The following PHKG2 variants were observed in gnomAD, a reference collection of about 807,000 sequenced individuals.
PHKG2 encodes phosphorylase kinase catalytic subunit gamma 2, also known as phosphorylase b kinase gamma catalytic chain, liver/testis isoform.
Under a neutral mutation model 44.5 loss-of-function variants are expected in PHKG2, and 28 were observed. That is an observed-to-expected ratio of 0.63 (90% confidence interval 0.47 to 0.86). The LOEUF is 0.86. Ranked by LOEUF, PHKG2 falls within the 40% of genes least tolerant of loss-of-function variation. PHKG2 has a pLI of 0.00. For synonymous variants in PHKG2, 220 were observed against 211.2 expected (o/e 1.04, Z -0.36); for missense variants, 498 against 547.5 (o/e 0.91, Z 0.90).
rs753883532 is a variant in PHKG2 at position 30,757,469 on chromosome 16, T to C, written c.*372T>C. Reference sequence around the variant, plus strand: ...GCCCAGACCTTTATTGGGGAAAATGTTGGGGGTCACTTGGTCTTGCTCTTG... The same window carrying C: ...GCCCAGACCTTTATTGGGGAAAATGCTGGGGGTCACTTGGTCTTGCTCTTG... On this transcript the variant is annotated 3_prime_UTR_variant, in exon 10 of 10. Coordinates refer to ENST00000563588, the MANE Select transcript of PHKG2 (RefSeq NM_000294.3). 1.2e-6 allele frequency: 2 copies of C among 1,611,048 alleles called. No individual in the cohort carries two copies. Among genetic ancestry groups the C allele is most frequent in the Non-Finnish European group, 1.7e-6 (2 of 1,177,960 alleles).
At position 30,751,247 on chromosome 16, in the gene PHKG2, C is replaced by T; in HGVS notation, c.237C>T (p.His79=). The change falls in exon 3 of 10, where the codon CAC becomes CAT. Residue 79 remains histidine (H), a synonymous_variant. Transcript: ENST00000563588. ...EVREATRRET[H]ILRQVAGHPH... Reference sequence around the variant, plus strand: ...GGGAAGCCACACGGCGAGAGACACACATCCTTCGCCAGGTCGCCGGCCACC... The same window carrying T: ...GGGAAGCCACACGGCGAGAGACACATATCCTTCGCCAGGTCGCCGGCCACC... The T allele has an allele frequency of 1.2e-6, 2 of 1,612,266 alleles. No homozygotes were observed. Among genetic ancestry groups the T allele is most frequent in the Non-Finnish European group, 1.7e-6 (2 of 1,180,022 alleles).
Position 30,759,960 on chromosome 16 carries a change from G to A in PHKG2, c.*2863G>A, listed in dbSNP as rs1056769194. 57 of 1,447,958 alleles carry A rather than the reference G, an allele frequency of 3.9e-5. No individual in the cohort carries two copies. The highest frequency in any genetic ancestry group is 8.1e-5 in the Admixed American group (3 of 37,116). 89.7% of individuals were successfully genotyped at this position (1,447,958 alleles called of 1,614,324 possible). A position where few individuals can be genotyped will look rare whatever the true frequency, so the allele number is the denominator to read the frequency against. Reference sequence around the variant, plus strand: ...GCCCTTACGAAGCTTATATTCTAGGGGAATAAACCAAGAAATAGATCATTT... The same window carrying A: ...GCCCTTACGAAGCTTATATTCTAGGAGAATAAACCAAGAAATAGATCATTT... On this transcript the variant is annotated 3_prime_UTR_variant, in exon 10 of 10. Transcript: ENST00000563588.
rs749449323 is a variant in PHKG2, at chr16:30,757,492, T to A, written c.*395T>A. The A allele has an allele frequency of 6.2e-7, 1 of 1,613,992 alleles. No homozygotes were observed. The highest frequency in any genetic ancestry group is 1.1e-5 in the South Asian group (1 of 91,048). On this transcript the variant is annotated 3_prime_UTR_variant, in exon 10 of 10. Coordinates refer to ENST00000563588, the MANE Select transcript of PHKG2 (RefSeq NM_000294.3). ...TGTTGGGGGTCACTTGGTCTTGCTC[T>A]TGCCTTTACCCGGAGGTAGCTGGAA...
chr16:30,748,950 A>G, intron 2 of PHKG2, 35 bp downstream of exon 2: 1 of 1,467,824 alleles, frequency 6.8e-7, no homozygotes, highest in African/African-American at 1.4e-5. Flanking sequence ...AGGTCCAAAG[A>G]GGTCGAGCCC....
At position 30,757,513 on chromosome 16, in the gene PHKG2, T is replaced by C. The variant is rs2053457360; in HGVS notation, c.*416T>C. 1.9e-6 allele frequency: 3 copies of C among 1,614,166 alleles called. No individual in the cohort carries two copies. In the East Asian group the frequency reaches 6.7e-5, roughly 36 times the overall value. On this transcript the variant is annotated 3_prime_UTR_variant, in exon 10 of 10. Coordinates refer to ENST00000563588, the MANE Select transcript of PHKG2 (RefSeq NM_000294.3). ...GCTCTTGCCTTTACCCGGAGGTAGC[T>C]GGAAGGGCCGCTCTAGTGCAGTCAA...
chr16:30,757,031 G>T lies in PHKG2; in HGVS notation c.1155G>T (p.Met385Ile). ...GGCCCCCTGGGCCTTTTCCCATCAT[G>T]GGCCCTGAAGAGGAGGGAGACTCTG... ...QHRPPGPFPI[M>I]GPEEEGDSAA... Residue 385 changes from methionine (M) to isoleucine (I), a missense_variant, in exon 10 of 10, where the codon ATG (methionine) becomes ATT (isoleucine). Coordinates refer to ENST00000563588, the MANE Select transcript of PHKG2 (RefSeq NM_000294.3). 6.2e-7 allele frequency: 1 copy of T among 1,612,646 alleles called. No individual in the cohort carries two copies.
chr16:30,759,829 T>C lies in PHKG2; in HGVS notation c.*2732T>C, dbSNP rs567997789. ...CATGAGCTTCAGAAGCAGACAGATC[T>C]GGGTTTCAGCACTGGCTTGTTTCCT... On this transcript the variant is annotated 3_prime_UTR_variant, in exon 10 of 10. Coordinates refer to ENST00000563588, the MANE Select transcript of PHKG2 (RefSeq NM_000294.3). The C allele has an allele frequency of 2.1e-5, 32 of 1,495,486 alleles. No homozygotes were observed. The highest frequency in any genetic ancestry group is 3.6e-4 in the Middle Eastern group (2 of 5,606). 92.6% of individuals were successfully genotyped at this position (1,495,486 alleles called of 1,614,324 possible). A position where few individuals can be genotyped will look rare whatever the true frequency, so the allele number is the denominator to read the frequency against.
At position 30,756,606 on chromosome 16, in the gene PHKG2, A is replaced by G. The variant is rs1000764019; in HGVS notation, c.818A>G (p.Gln273Arg). The G allele has an allele frequency of 1.9e-6, 3 of 1,613,942 alleles. No individual in the cohort carries two copies. Among genetic ancestry groups the G allele is most frequent in the Non-Finnish European group, 8.5e-7 (1 of 1,180,006 alleles). Residue 273 changes from glutamine to arginine, a missense_variant, in exon 9 of 10, where the codon CAG becomes CGG. Gln to Arg is a conservative substitution (Grantham distance 43). Transcript: ENST00000563588. ...TVKDLISRLL[Q>R]VDPEARLTAE... ...CTCTCCTAGATCTCCAGGCTGCTGCAGGTGGATCCTGAGGCACGCCTGACA... is the reference window on the plus strand; with the variant it reads ...CTCTCCTAGATCTCCAGGCTGCTGCGGGTGGATCCTGAGGCACGCCTGACA...
Position 30,760,803 on chromosome 16 carries a change from C to CA in PHKG2, c.*3709dup, listed in dbSNP as rs1233142837. 15 of 767,272 alleles carry CA rather than the reference C, an allele frequency of 2.0e-5. No homozygotes were observed. The highest frequency in any genetic ancestry group is 4.1e-5 in the Admixed American group (2 of 48,838). The allele number at this position is 767,272 out of a possible 1,614,324, so 47.5% of individuals were successfully genotyped here. A position where few individuals can be genotyped will look rare whatever the true frequency, so the allele number is the denominator to read the frequency against. ...TTTGCCAGCTTGCTGTGTGACTATG[C>CA]AAATCGTTAACTCTCTGGGCCTAAA... is the stretch of plus-strand genomic sequence containing the variant. On this transcript the variant is annotated 3_prime_UTR_variant, in exon 10 of 10. Transcript: ENST00000563588.
At chr16:30,751,888 TC>T (rs1414118471) in intron 4 of PHKG2, 16 of 412,014 alleles carry the variant, frequency 3.9e-5, no homozygotes, top group Non-Finnish European at 6.9e-5. Flanking sequence ...GGTCAGGAGA[TC>T]GAGACCATCC....
At position 30,748,795 on chromosome 16, in the gene PHKG2, C is replaced by A; in HGVS notation, c.-18-8C>A. The A allele has an allele frequency of 6.5e-7, 1 of 1,535,414 alleles. No individual in the cohort carries two copies. On this transcript the variant is annotated splice_polypyrimidine_tract_variant and splice_region_variant and intron_variant, in intron 1 of 9. Transcript: ENST00000563588. ...TCCCTGCCCTCACTGCCCTCCTCCT[C>A]CGCGCAGGCCCCCGCCTCCTTCAGG... is the stretch of plus-strand genomic sequence containing the variant.
In PHKG2 at chr16:30,760,621, T is replaced by C. The variant is rs771388927; in HGVS notation, c.*3524T>C. ...CAGTCCCTACTCCCTCATCTCAGCA[T>C]TGGTGGTCTTCTCCAGCTGGTGCAT... On this transcript the variant is annotated 3_prime_UTR_variant, in exon 10 of 10. Transcript: ENST00000563588. 7.7e-6 allele frequency: 12 copies of C among 1,557,324 alleles called. No individual in the cohort carries two copies. The highest frequency in any genetic ancestry group is 1.4e-5 in the African/African-American group (1 of 73,280).
Position 30,751,217 on chromosome 16 carries a change from G to C in PHKG2, c.207G>C (p.Glu69Asp). The change falls in exon 3 of 10, where the codon GAG (glutamate) becomes GAC (aspartate). Residue 69 changes from glutamate (E) to aspartate (D), a missense_variant. By Grantham distance (45) the Glu-to-Asp change is conservative. Transcript: ENST00000563588. The stretch of plus-strand genomic sequence containing the variant: ...GGCTGAGTCCTGAGCAGCTGGAGGA[G>C]GTGCGGGAAGCCACACGGCGAGAGA... ...AERLSPEQLE[E>D]VREATRRETH... The C allele has an allele frequency of 6.2e-7, 1 of 1,613,552 alleles. No individual in the cohort carries two copies. The highest frequency in any genetic ancestry group is 8.5e-7 in the Non-Finnish European group (1 of 1,180,032).
intron 6 of PHKG2, among the ~76,000 whole-genome samples, chr16:30,755,906 G>A (rs754704267): frequency 1.9e-4 from 29 of 152,130 alleles, no homozygotes; most frequent in Non-Finnish European, 4.1e-4. Flanking sequence ...TTGGATAGTG[G>A]GTAGGTAGGG....
At chr16:30,754,799 C>T in intron 6 of PHKG2, 2 of 450,600 alleles carry the variant, frequency 4.4e-6, no homozygotes, top group South Asian at 3.1e-5. Flanking sequence ...CAGCTTAGGT[C>T]CCCTTGCTTT....
At chr16:30,749,911 CCTT>C (rs878868021) in intron 2 of PHKG2, among the ~76,000 whole-genome samples, 4 of 152,228 alleles carry the variant, frequency 2.6e-5, no homozygotes, top group Admixed American at 6.5e-5. Flanking sequence ...GAAAAGCACA[CCTT>C]CTCAGGAGGA....
At chr16:30,751,069 A>G (rs1481431494) in intron 2 of PHKG2, 37 bp from the exon 3 acceptor site, 2 of 1,607,486 alleles carry the variant, frequency 1.2e-6, no homozygotes, top group Non-Finnish European at 1.7e-6. Flanking sequence ...ATGTGAGCAC[A>G]GAGGCCCTGA....
Position 30,760,722 on chromosome 16 carries a change from C to A in PHKG2, c.*3625C>A. On this transcript the variant is annotated 3_prime_UTR_variant, in exon 10 of 10. Coordinates refer to ENST00000563588, the MANE Select transcript of PHKG2 (RefSeq NM_000294.3). The stretch of plus-strand genomic sequence containing the variant: ...GTGGCCGTTACCTATCATGACAAGG[C>A]TGTGACAGCTAGTGCGTGAGACTGG... 2 of 1,483,386 alleles carry A rather than the reference C, an allele frequency of 1.3e-6. No homozygotes were observed. Among genetic ancestry groups the A allele is most frequent in the Middle Eastern group, 1.7e-4 (1 of 5,872 alleles). 91.9% of individuals were successfully genotyped at this position (1,483,386 alleles called of 1,614,324 possible).
Position 30,756,647 on chromosome 16 carries a change from C to T in PHKG2, c.859C>T (p.Gln287Ter). ...ACGCCTGACAGCTGAGCAGGCCCTACAGCACCCCTTCTTTGAGCGTTGTGA... is the reference window on the plus strand; with the variant it reads ...ACGCCTGACAGCTGAGCAGGCCCTATAGCACCCCTTCTTTGAGCGTTGTGA... ...EARLTAEQALQHPFFERCEGS... is the reference protein window; with the variant it reads ...EARLTAEQAL Residue 287 changes from glutamine (Q) to a stop codon, truncating the protein, a stop_gained, in exon 9 of 10, where the codon CAG becomes TAG. Coordinates refer to ENST00000563588, the MANE Select transcript of PHKG2 (RefSeq NM_000294.3). LOFTEE classifies it high-confidence loss of function. The T allele has an allele frequency of 1.9e-6, 3 of 1,614,108 alleles. No homozygotes were observed. The highest frequency in any genetic ancestry group is 2.2e-5 in the East Asian group (1 of 44,878).
Sources: gnomAD v4.1 joint callset for allele counts (sites outside exome capture counted in the v4.1 genomes callset) on GRCh38, gnomAD v4.1.1 for gene constraint, MANE v1.5 for transcripts, NCBI Gene and HGNC (gene_info 2026-07-23, HGNC 2026-07-21) for gene names.